Variants in NDUFAF6 observed in about 807,000 individuals in gnomAD.
The protein encoded by NDUFAF6 is NADH dehydrogenase (ubiquinone) complex I, assembly factor 6.
Under a neutral mutation model 40.8 loss-of-function variants are expected in NDUFAF6, and 45 were observed. The ratio of observed to expected loss-of-function variants is 1.10; its 90% CI spans 0.87 to 1.42. The LOEUF (loss-of-function observed/expected upper bound fraction) is 1.42, where lower values mean the gene tolerates loss of function less well. NDUFAF6 is among the 40% of genes most tolerant of loss of function. The pLI is 0.00. For missense variants in NDUFAF6, 435 were observed against 418.5 expected (o/e 1.04, Z -0.34); for synonymous variants, 185 against 155.9 (o/e 1.19, Z -1.39).
intron 2 of NDUFAF6, among the ~76,000 whole-genome samples, chr8:94,990,267 T>A (rs982604028): frequency 2.0e-5 from 3 of 152,168 alleles, no homozygotes; most frequent in Non-Finnish European, 4.4e-5. Context: ...TTTTGTGTAG[T>A]CCTGCCATTG....
At chr8:94,938,224 C>T (rs1303190911) in intron 1 of NDUFAF6, among the ~76,000 whole-genome samples, 1 of 152,192 alleles carries the variant, frequency 6.6e-6, no homozygotes, top group Non-Finnish European at 1.5e-5. Flanking sequence ...AGTGGCCTCA[C>T]CCTGGGAGAC....
intron 8 of NDUFAF6, among the ~76,000 whole-genome samples, 178 bp from the exon 9 acceptor site, chr8:95,057,631 A>G (rs1179300257): frequency 2.6e-5 from 4 of 152,154 alleles, no homozygotes; most frequent in Admixed American, 6.5e-5. Flanking sequence ...TTACTGGTCT[A>G]ATAGAAACTT....
chr8:94,904,149 T>C (rs1185872107), intron 1 of NDUFAF6, among the ~76,000 whole-genome samples: 5 of 151,604 alleles, frequency 3.3e-5, no homozygotes, highest in Non-Finnish European at 5.9e-5. Context: ...TTTTTTGTTT[T>C]TTGGTTTTTT....
intron 3 of NDUFAF6, among the ~76,000 whole-genome samples, chr8:95,037,014 T>G (rs73276462): frequency 0.013 from 1,950 of 152,334 alleles, 31 homozygotes; most frequent in African/African-American, 0.044. Context: ...TTGAGGAGAT[T>G]AAATAGAGGG....
At chr8:94,931,738 G>A (rs1383136820) in intron 1 of NDUFAF6, among the ~76,000 whole-genome samples, 2 of 152,174 alleles carry the variant, frequency 1.3e-5, no homozygotes, top group Non-Finnish European at 2.9e-5. Flanking sequence ...ACTTTGGGAG[G>A]CTGAGGCAGG....
intron 1 of NDUFAF6, among the ~76,000 whole-genome samples, chr8:94,974,043 T>TA (rs1257047483): frequency 6.6e-5 from 10 of 152,156 alleles, no homozygotes; most frequent in African/African-American, 2.4e-4. Flanking sequence ...ATAATGTCTT[T>TA]ATGGGAACTC....
intron 2 of NDUFAF6, among the ~76,000 whole-genome samples, chr8:94,982,878 T>C (rs1439985257): frequency 6.6e-6 from 1 of 152,218 alleles, no homozygotes; most frequent in African/African-American, 2.4e-5. Flanking sequence ...TTCCACAGGG[T>C]TGTTCACCTA....
intron 1 of NDUFAF6, among the ~76,000 whole-genome samples, chr8:95,027,345 G>A (rs991058037): frequency 2.0e-5 from 3 of 151,936 alleles, no homozygotes; most frequent in Non-Finnish European, 4.4e-5. Context: ...TTGGGAGGCT[G>A]AGGAGGGAGG....
At chr8:95,081,988 C>T (rs1808884839) in intron 2 of NDUFAF6, among the ~76,000 whole-genome samples, 1 of 152,070 alleles carries the variant, frequency 6.6e-6, no homozygotes, top group Non-Finnish European at 1.5e-5. Flanking sequence ...GGCGTGAACT[C>T]GGGAGGCGGA....
At chr8:94,910,191 C>T (rs1424716719) in intron 1 of NDUFAF6, among the ~76,000 whole-genome samples, 3 of 151,942 alleles carry the variant, frequency 2.0e-5, no homozygotes, top group African/African-American at 4.8e-5. Context: ...GTCGCTCTGT[C>T]GCCTAGGCTG....
intron 2 of NDUFAF6, among the ~76,000 whole-genome samples, chr8:94,948,431 C>G (rs1161991722): frequency 1.3e-5 from 2 of 152,350 alleles, no homozygotes; most frequent in Admixed American, 6.5e-5. Context: ...TCCAAAGGAT[C>G]TAAATGTTAA....
At chr8:95,080,010 A>AT (rs1236493711), downstream of NDUFAF6, among the ~76,000 whole-genome samples, 3 of 78,428 alleles carry the variant, frequency 3.8e-5, 1 homozygote, top group African/African-American at 1.1e-4. Flanking sequence ...TTTTGTAGTG[A>AT]TTTTTTGTAG....
chr8:95,000,119 T>C (rs1826652280), intron 2 of NDUFAF6, among the ~76,000 whole-genome samples: 1 of 152,018 alleles, frequency 6.6e-6, no homozygotes, highest in African/African-American at 2.4e-5. Flanking sequence ...GGTGGATCAA[T>C]TGAGCTCAGG....
upstream of NDUFAF6, among the ~76,000 whole-genome samples, chr8:95,021,689 G>A (rs1055078437): frequency 3.9e-5 from 6 of 152,134 alleles, no homozygotes; most frequent in Admixed American, 1.3e-4. Context: ...AGCATCTTTT[G>A]TTATAAATGT....
In NDUFAF6 at chr8:95,058,079, A is replaced by G. The variant is rs999949381; in HGVS notation, c.*142A>G. On this transcript the variant is annotated 3_prime_UTR_variant, in exon 9 of 9. Coordinates refer to ENST00000396124, the MANE Select transcript of NDUFAF6 (RefSeq NM_152416.4). ...TGTCAAGTAGCTCACAAAATTGAGA[A>G]GTTGCCGTGGGACTAGGGTGCCAAG... The G allele has an allele frequency of 3.4e-6, 5 of 1,466,018 alleles. No individual in the cohort carries two copies. The African/African-American group carries it at 7.1e-5, about 21-fold the overall frequency. The allele number at this position is 1,466,018 out of a possible 1,614,324, so 90.8% of individuals were successfully genotyped here.
At chr8:95,107,250 T>C (rs1318699953), downstream of NDUFAF6, among the ~76,000 whole-genome samples, 1 of 152,184 alleles carries the variant, frequency 6.6e-6, no homozygotes, top group Non-Finnish European at 1.5e-5. Flanking sequence ...CCAGCAATGA[T>C]AGACTGGATA....
chr8:95,016,286 A>G (rs1827442184), intron 2 of NDUFAF6, among the ~76,000 whole-genome samples: 1 of 152,252 alleles, frequency 6.6e-6, no homozygotes, highest in Admixed American at 6.5e-5. Context: ...TTCTGTTTTT[A>G]TAACTGCATG....
intron 1 of NDUFAF6, among the ~76,000 whole-genome samples, chr8:94,938,422 A>G (rs1345565641): frequency 6.6e-6 from 1 of 152,224 alleles, no homozygotes; most frequent in Non-Finnish European, 1.5e-5. Context: ...AACTCCTAAA[A>G]TCCTTGGAAC....
chr8:95,017,374 C>A (rs1284167398), intron 2 of NDUFAF6, among the ~76,000 whole-genome samples: 3 of 152,032 alleles, frequency 2.0e-5, no homozygotes, highest in Non-Finnish European at 4.4e-5. Flanking sequence ...GATTAAGCAA[C>A]CTGACTTTCC....
Sources: allele counts gnomAD v4.1 joint callset (sites outside exome capture counted in the v4.1 genomes callset), GRCh38; gene constraint gnomAD v4.1.1; transcripts MANE v1.5; gene names NCBI Gene and HGNC (gene_info 2026-07-23, HGNC 2026-07-21).